Variants in FHIT observed in about 807,000 individuals in gnomAD.
FHIT encodes bis(5'-adenosyl)-triphosphatase.
In FHIT, 19 loss-of-function variants were observed where a neutral mutation model predicts 17.9. That is an observed-to-expected ratio of 1.06 (90% CI 0.74 to 1.56). The LOEUF is 1.56. FHIT is among the 40% of genes most tolerant of loss of function. The pLI, the probability that FHIT is intolerant of heterozygous loss-of-function variation, is 0.00. For missense variants in FHIT, 248 were observed against 189.2 expected (o/e 1.31, Z -1.82); for synonymous variants, 81 against 69.7 (o/e 1.16, Z -0.81).
At chr3:60,778,098 T>G (rs1700266726) in intron 4 of FHIT, among the ~76,000 whole-genome samples, 1 of 152,212 alleles carries the variant, frequency 6.6e-6, no homozygotes, top group East Asian at 1.9e-4. Flanking sequence ...TCAATCTTCT[T>G]TAGGTTATAG....
intron 3 of FHIT, among the ~76,000 whole-genome samples, chr3:61,020,939 G>A (rs1205994699): frequency 6.6e-6 from 1 of 152,072 alleles, no homozygotes; most frequent in Non-Finnish European, 1.5e-5. Context: ...ACAAAGTAGG[G>A]CATTACATAA....
intron 5 of FHIT, among the ~76,000 whole-genome samples, chr3:60,081,615 A>G (rs1477610704): frequency 1.3e-5 from 2 of 152,186 alleles, no homozygotes; most frequent in East Asian, 3.9e-4. Flanking sequence ...GAAATCCAAA[A>G]CTATATGCTG....
At chr3:60,154,882 C>G (rs1176545562) in intron 5 of FHIT, among the ~76,000 whole-genome samples, 2 of 152,042 alleles carry the variant, frequency 1.3e-5, no homozygotes, top group African/African-American at 4.8e-5. Context: ...TGCAAAGAAT[C>G]CCAGCACCAA....
chr3:59,775,123 C>T (rs1001318540), intron 8 of FHIT, among the ~76,000 whole-genome samples: 2 of 152,184 alleles, frequency 1.3e-5, no homozygotes, highest in Admixed American at 1.3e-4. Flanking sequence ...AATTTAGCAT[C>T]AATCATTCCA....
In FHIT at chr3:60,894,967, G is replaced by C. The variant is rs1175165743; in HGVS notation, c.-110-72956C>G. 3.3e-5 allele frequency among the ~76,000 whole-genome samples: 5 copies of C among 152,256 alleles called. No individual in the cohort carries two copies. In the East Asian group the frequency reaches 9.7e-4, roughly 29 times the overall value. ...CTCACACATACAATGATCAAAATCAGGGACTTTAACGTTGATAGAATACTA... is the reference window on the plus strand; with the variant it reads ...CTCACACATACAATGATCAAAATCACGGACTTTAACGTTGATAGAATACTA... On this transcript the variant is annotated intron_variant, in intron 3 of 9. Transcript: ENST00000492590.
intron 7 of FHIT, among the ~76,000 whole-genome samples, chr3:60,002,868 T>C (rs1417720949): frequency 6.6e-6 from 1 of 152,116 alleles, no homozygotes; most frequent in Non-Finnish European, 1.5e-5. Context: ...AGAATCAAAA[T>C]ATATTTATAA....
intron 5 of FHIT, chr3:60,080,847 G>C (rs1030248630): frequency 1.3e-5 from 2 of 152,184 alleles, no homozygotes; most frequent in Admixed American, 6.5e-5. Flanking sequence ...GATTGTGTTA[G>C]ATGCAAACAC....
chr3:60,626,785 C>CTTTT (rs60098225), intron 4 of FHIT, among the ~76,000 whole-genome samples: 4,738 of 133,802 alleles, frequency 0.035, 136 homozygotes, highest in Non-Finnish European at 0.045. Flanking sequence ...GGAAAACACT[C>CTTTT]TTTTTTTTTT....
intron 5 of FHIT, among the ~76,000 whole-genome samples, chr3:60,312,159 T>G (rs1390058684): frequency 2.6e-5 from 4 of 152,102 alleles, no homozygotes; most frequent in African/African-American, 9.7e-5. Flanking sequence ...AAAATCTTTT[T>G]TTTAAGATGG....
intron 2 of FHIT, among the ~76,000 whole-genome samples, chr3:61,096,181 C>G (rs932945490): frequency 6.6e-6 from 1 of 152,156 alleles, no homozygotes; most frequent in Non-Finnish European, 1.5e-5. Context: ...CTAAATGATG[C>G]TGTGCAAGGA....
At chr3:60,787,698 G>A (rs782257851) in intron 4 of FHIT, among the ~76,000 whole-genome samples, 14 of 152,154 alleles carry the variant, frequency 9.2e-5, no homozygotes, top group Admixed American at 2.0e-4. Flanking sequence ...CCTCAACATC[G>A]ATACTTGCCA....
At chr3:59,841,410 A>C (rs1415477178) in intron 8 of FHIT, among the ~76,000 whole-genome samples, 15 of 152,184 alleles carry the variant, frequency 9.9e-5, no homozygotes, top group Non-Finnish European at 4.4e-5. Flanking sequence ...CTGCTTCCCT[A>C]AAGACCATAC....
intron 5 of FHIT, among the ~76,000 whole-genome samples, chr3:60,530,456 GCAT>G (rs1226071927): frequency 9.9e-5 from 15 of 152,232 alleles, no homozygotes; most frequent in African/African-American, 3.4e-4. Flanking sequence ...AATTCCTTCA[GCAT>G]CAGCTTCCAA....
chr3:60,309,937 C>G (rs1708864539), intron 5 of FHIT, among the ~76,000 whole-genome samples: 1 of 152,056 alleles, frequency 6.6e-6, no homozygotes, highest in South Asian at 2.1e-4. Flanking sequence ...TGCTTTCAGT[C>G]CACTTCACAT....
At chr3:60,090,470 G>C (rs1354876656) in intron 5 of FHIT, among the ~76,000 whole-genome samples, 1 of 152,178 alleles carries the variant, frequency 6.6e-6, no homozygotes, top group African/African-American at 2.4e-5. Flanking sequence ...TATCAAGTGA[G>C]CTGGGAGCAT....
chr3:61,000,076 T>C (rs1433974105), intron 3 of FHIT, among the ~76,000 whole-genome samples: 1 of 152,068 alleles, frequency 6.6e-6, no homozygotes, highest in African/African-American at 2.4e-5. Context: ...ATGTTGGGGG[T>C]ACACAAACAT....
At chr3:60,452,876 TGTAA>T (rs1203900212) in intron 5 of FHIT, among the ~76,000 whole-genome samples, 8 of 152,316 alleles carry the variant, frequency 5.3e-5, no homozygotes, top group East Asian at 1.9e-4. Context: ...AGTATGCAAA[TGTAA>T]GTGTCTTCAA....
intron 5 of FHIT, among the ~76,000 whole-genome samples, chr3:60,056,707 TG>T (rs1458953308): frequency 6.6e-6 from 1 of 152,228 alleles, no homozygotes; most frequent in Non-Finnish European, 1.5e-5. Flanking sequence ...GACTTTTTGC[TG>T]GCTTGGCAGG....
chr3:60,765,274 G>T (rs782325061), intron 4 of FHIT, among the ~76,000 whole-genome samples: 6 of 152,132 alleles, frequency 3.9e-5, no homozygotes, highest in Non-Finnish European at 8.8e-5. Flanking sequence ...TACTACATTA[G>T]CAAAAGGAAG....
Sources: allele counts gnomAD v4.1 joint callset (sites outside exome capture counted in the v4.1 genomes callset), GRCh38; gene constraint gnomAD v4.1.1; transcripts MANE v1.5; gene names NCBI Gene and HGNC (gene_info 2026-07-23, HGNC 2026-07-21).